Variants in CELA1 observed in about 807,000 individuals in gnomAD.
CELA1 encodes chymotrypsin-like elastase family member 1.
CELA1 carries 28 observed loss-of-function variants against 34.8 expected under a neutral mutation model. That is an observed-to-expected ratio of 0.80 (90% CI 0.60 to 1.10). The LOEUF (loss-of-function observed/expected upper bound fraction) is 1.10. Among genes scored for constraint, CELA1 ranks in the 50% least tolerant of loss-of-function variants. The pLI is 0.00. For synonymous variants in CELA1, 140 were observed against 129.8 expected, an observed-to-expected ratio of 1.08 and a Z score of -0.53; for missense variants, 288 against 327.5, an observed-to-expected ratio of 0.88 and a Z score of 0.93.
chr12:51,342,812 ATTT>A (rs5798169), intron 3 of CELA1, 112 bp from the exon 4 acceptor site: 248 of 990,376 alleles, frequency 2.5e-4, no homozygotes, highest in East Asian at 5.6e-4. Context: ...TATTTAGGAA[ATTT>A]TTTTTTTTTT....
chr12:51,334,426 A>C (rs1443355700), intron 6 of CELA1, among the ~76,000 whole-genome samples: 1 of 151,890 alleles, frequency 6.6e-6, no homozygotes, highest in African/African-American at 2.4e-5. Context: ...CACACAAAAA[A>C]CTTTTTAATC....
At chr12:51,331,751 A>G (rs4026022) in intron 6 of CELA1, among the ~76,000 whole-genome samples, 13,770 of 152,264 alleles carry the variant, frequency 0.09, 1,347 homozygotes, top group East Asian at 0.3. Context: ...CACATAGACC[A>G]CTAGGTCAAG....
chr12:51,341,796 C>T (rs888879808), intron 4 of CELA1, among the ~76,000 whole-genome samples: 3 of 151,878 alleles, frequency 2.0e-5, no homozygotes, highest in Non-Finnish European at 4.4e-5. Flanking sequence ...AATTGACCAC[C>T]GTTTTAATTA....
At position 51,342,684 on chromosome 12, in the gene CELA1, C is replaced by T. The variant is rs145791288; in HGVS notation, c.217G>A (p.Val73Met). The change falls in exon 4 of 8, where the codon GTG (valine) becomes ATG (methionine). Residue 73 changes from valine to methionine, a missense_variant. Physicochemically the swap from Val to Met is conservative, Grantham distance 21. Coordinates refer to ENST00000293636, the MANE Select transcript of CELA1 (RefSeq NM_001971.6). Reference sequence around the variant, plus strand: ...CTCAGGTTATGGTCTCCAGCCACCACGCGGAAAGTCTTCTGGCTGGCGTGA... The same window carrying T: ...CTCAGGTTATGGTCTCCAGCCACCATGCGGAAAGTCTTCTGGCTGGCGTGA... ...HCVDYQKTFR[V>M]VAGDHNLSQN... 315 of 1,613,972 alleles carry T rather than the reference C, an allele frequency of 2.0e-4. No homozygotes were observed. Among genetic ancestry groups the T allele is most frequent in the Middle Eastern group, 3.3e-4 (2 of 6,084 alleles).
chr12:51,337,496 C>T (rs760564637), intron 6 of CELA1, among the ~76,000 whole-genome samples: 45 of 132,754 alleles, frequency 3.4e-4, no homozygotes, highest in Admixed American at 5.2e-4. Flanking sequence ...AAGATGGCAC[C>T]ACTGCACTCC....
chr12:51,331,725 C>T (rs917594377), intron 6 of CELA1, among the ~76,000 whole-genome samples: 7 of 152,220 alleles, frequency 4.6e-5, no homozygotes, highest in Non-Finnish European at 4.4e-5. Context: ...TCCCTCACAA[C>T]GAATGCAAAT....
At chr12:51,331,692 C>T (rs984804911) in intron 6 of CELA1, among the ~76,000 whole-genome samples, 3 of 152,040 alleles carry the variant, frequency 2.0e-5, no homozygotes, top group African/African-American at 7.2e-5. Context: ...CTGGAGTTTC[C>T]GGGAAAACCC....
chr12:51,341,221 T>C (rs1417030374), intron 5 of CELA1, 23 bp downstream of exon 5: 10 of 1,613,438 alleles, frequency 6.2e-6, no homozygotes, highest in Non-Finnish European at 8.5e-6. Flanking sequence ...CCGTGGTGGA[T>C]TGTGCCAATG....
rs768174697 is a variant in CELA1, at chr12:51,339,949, C to T, written c.520G>A (p.Ala174Thr). ...CAGTAGGAGGAGCTGGAGCAGATGG[C>T]GTAGTCCACAGAGGGCAGGTAAGCC... ...QQAYLPSVDY[A>T]ICSSSSYWGS... Residue 174 changes from alanine (A) to threonine (T), a missense_variant, in exon 6 of 8, where the codon GCC becomes ACC. Physicochemically the swap from Ala to Thr is moderately conservative, Grantham distance 58. Coordinates refer to ENST00000293636, the MANE Select transcript of CELA1 (RefSeq NM_001971.6). 41 of 1,613,932 alleles carry T rather than the reference C, an allele frequency of 2.5e-5. No homozygotes were observed. Among genetic ancestry groups the T allele is most frequent in the African/African-American group, 6.7e-5 (5 of 74,934 alleles).
intron 6 of CELA1, among the ~76,000 whole-genome samples, chr12:51,336,501 C>T (rs1318345130): frequency 6.6e-6 from 1 of 152,176 alleles, no homozygotes; most frequent in Non-Finnish European, 1.5e-5. Context: ...GTGGCACATG[C>T]CTGTAATCCC....
chr12:51,339,655 A>T (rs1946521523), intron 6 of CELA1, among the ~76,000 whole-genome samples: 1 of 152,232 alleles, frequency 6.6e-6, no homozygotes, highest in East Asian at 1.9e-4. Context: ...GCATCGAGCA[A>T]GATCAATTTT....
intron 2 of CELA1, among the ~76,000 whole-genome samples, chr12:51,344,210 G>C (rs1354028731): frequency 6.6e-6 from 1 of 152,214 alleles, no homozygotes; most frequent in Non-Finnish European, 1.5e-5. Flanking sequence ...GCATTGATAA[G>C]GGGTGTGTAG....
chr12:51,345,123 CT>C (rs1946558639), intron 2 of CELA1, among the ~76,000 whole-genome samples: 2 of 98,858 alleles, frequency 2.0e-5, no homozygotes, highest in South Asian at 5.9e-4. Context: ...AAAACTCCAT[CT>C]CAAAAAAAAA....
intron 7 of CELA1, 85 bp from the exon 8 acceptor site, chr12:51,328,679 T>G: frequency 6.7e-7 from 1 of 1,490,624 alleles, no homozygotes; most frequent in Non-Finnish European, 9.4e-7. Flanking sequence ...TTAAGTATGG[T>G]TTTGTACTGG....
At chr12:51,340,033 C>T in intron 5 of CELA1, 28 bp from the exon 6 acceptor site, 1 of 1,604,118 alleles carries the variant, frequency 6.2e-7, no homozygotes, top group Non-Finnish European at 8.5e-7. Context: ...CATTGGCAGT[C>T]AGCTCCAGAT....
At chr12:51,341,100 T>G in intron 5 of CELA1, 144 bp downstream of exon 5, 1 of 741,842 alleles carries the variant, frequency 1.3e-6, no homozygotes, top group East Asian at 2.6e-5. Context: ...TAGCTTGATA[T>G]AATGCATCAG....
intron 6 of CELA1, among the ~76,000 whole-genome samples, chr12:51,339,614 T>C (rs775193872): frequency 6.6e-6 from 1 of 152,100 alleles, no homozygotes; most frequent in Admixed American, 6.5e-5. Context: ...AACATATAAA[T>C]GTTGGGCCAC....
chr12:51,336,074 G>A (rs1946498378), intron 6 of CELA1, among the ~76,000 whole-genome samples: 1 of 152,152 alleles, frequency 6.6e-6, no homozygotes, highest in African/African-American at 2.4e-5. Context: ...TGGCTTCTGG[G>A]TGAATTGTAT....
At position 51,329,799 on chromosome 12, in the gene CELA1, T is replaced by C. The variant is rs199719739; in HGVS notation, c.644A>G (p.Asn215Ser). The change falls in exon 7 of 8, where the codon AAT (asparagine) becomes AGT (serine). Residue 215 changes from asparagine to serine, a missense_variant. By Grantham distance (46) the Asn-to-Ser change is conservative. Transcript: ENST00000293636. ...CACTCCATGGACAGAATACTTGCCA[T>C]TCACCAAGCAATGGAGGGGGCCCCC... ...DSGGPLHCLV[N>S]GKYSVHGVTS... 1 of 1,608,294 alleles carries C rather than the reference T, an allele frequency of 6.2e-7. No individual in the cohort carries two copies. Among genetic ancestry groups the C allele is most frequent in the African/African-American group, 1.3e-5 (1 of 74,390 alleles).
Sources: gnomAD v4.1 joint callset for allele counts (sites outside exome capture counted in the v4.1 genomes callset) on GRCh38, gnomAD v4.1.1 for gene constraint, MANE v1.5 for transcripts, NCBI Gene and HGNC (gene_info 2026-07-23, HGNC 2026-07-21) for gene names.